KCNQ1: variants seen among roughly 807,000 people sequenced by gnomAD.
KCNQ1 encodes potassium voltage-gated channel subfamily Q member 1.
A neutral mutation model predicts 72.4 loss-of-function variants in KCNQ1; 49 were observed. The observed-to-expected ratio is 0.68, with a 90% CI of 0.54 to 0.86. The LOEUF (loss-of-function observed/expected upper bound fraction) is 0.86, where lower values mean the gene tolerates loss of function less well. KCNQ1 is among the 40% of genes least tolerant of loss of function. The pLI, the probability that KCNQ1 is intolerant of heterozygous loss-of-function variation, is 0.00. For synonymous variants in KCNQ1, 450 were observed against 412.6 expected, an observed-to-expected ratio of 1.09 and a Z score of -1.10; for missense variants, 790 against 945.1, an observed-to-expected ratio of 0.84 and a Z score of 2.15.
Position 2,486,326 on chromosome 11 carries a change from C to T in KCNQ1, c.386+40842C>T, listed in dbSNP as rs1480338830. Reference sequence around the variant, plus strand: ...GAGAATATCTCCTCAGCTCTTTTGCCCACTTCATTAAATTGAGAGGTTTGT... The same window carrying T: ...GAGAATATCTCCTCAGCTCTTTTGCTCACTTCATTAAATTGAGAGGTTTGT... On this transcript the variant is annotated intron_variant, in intron 1 of 15. Transcript: ENST00000155840. This position sits in a 1 kb window ranked among gnomAD's most constrained non-coding sequence, Gnocchi z 5.0. Among the ~76,000 whole-genome samples the T allele has an allele frequency of 2.0e-5, 3 of 152,194 alleles. No individual in the cohort carries two copies. Among genetic ancestry groups the T allele is most frequent in the African/African-American group, 2.4e-5 (1 of 41,536 alleles).
rs1451059729 is a variant in KCNQ1 at position 2,683,831 on chromosome 11, T to C, written c.1514+21750T>C. The stretch of plus-strand genomic sequence containing the variant: ...GCCACTAGCTTGCAGAATGGCTTTG[T>C]TGGATTCCCCTCCCTGGCCCCACAC... On this transcript the variant is annotated intron_variant, in intron 11 of 15. Transcript: ENST00000155840. This position sits in a 1 kb window ranked among gnomAD's most constrained non-coding sequence, Gnocchi z 4.7. 5.0e-6 allele frequency: 2 copies of C among 398,562 alleles called. No homozygotes were observed. Among genetic ancestry groups the C allele is most frequent in the Admixed American group, 4.4e-5 (1 of 22,708 alleles). 24.7% of individuals were successfully genotyped at this position (398,562 alleles called of 1,614,324 possible). A position where few individuals can be genotyped will look rare whatever the true frequency, so the allele number is the denominator to read the frequency against.
intron 11 of KCNQ1, among the ~76,000 whole-genome samples, chr11:2,763,232 G>T (rs1215239287): frequency 6.6e-6 from 1 of 152,054 alleles, no homozygotes; most frequent in East Asian, 1.9e-4. Context: ...CCAATGCTCA[G>T]TGCTTTTCTG....
Position 2,536,086 on chromosome 11 carries a change from C to G in KCNQ1, c.477+8068C>G, listed in dbSNP as rs900701026. 2.6e-5 allele frequency among the ~76,000 whole-genome samples: 4 copies of G among 152,200 alleles called. No individual in the cohort carries two copies. In the South Asian group the frequency reaches 8.3e-4, roughly 31 times the overall value. On this transcript the variant is annotated intron_variant, in intron 2 of 15. Coordinates refer to ENST00000155840, the MANE Select transcript of KCNQ1 (RefSeq NM_000218.3). This position sits in a 1 kb window ranked among gnomAD's most constrained non-coding sequence, Gnocchi z 7.4. ...CGAGCACACCCGCTGCTGTCCCCAG[C>G]CACCCAGCCCCATGCACAGGCCACG...
chr11:2,667,909 C>T, intron 11 of KCNQ1: 1 of 398,652 alleles, frequency 2.5e-6, no homozygotes, highest in Non-Finnish European at 4.4e-6. Context: ...CATCTTCAGT[C>T]CCTGGGACCC....
chr11:2,624,754 C>T lies in KCNQ1; in HGVS notation c.1393+35900C>T, dbSNP rs778085079. 1.3e-4 allele frequency: 53 copies of T among 398,516 alleles called. No homozygotes were observed. The highest frequency in any genetic ancestry group is 2.0e-4 in the Non-Finnish European group (45 of 226,044). The allele number at this position is 398,516 out of a possible 1,614,324, so 24.7% of individuals were successfully genotyped here. ...AATAATTCCCCAACCCCCCCACCAC[C>T]GCCATCTCTTGGAAACCACCTTGTA... On this transcript the variant is annotated intron_variant, in intron 10 of 15. Transcript: ENST00000155840. This position sits in a 1 kb window ranked among gnomAD's most constrained non-coding sequence, Gnocchi z 4.9.
In KCNQ1 at chr11:2,477,668, G is replaced by A. The variant is rs1846591899; in HGVS notation, c.386+32184G>A. ...AATCCCACCACTTTGGGAGGCTAAG[G>A]TGGGAGGATTGCCTGAGCTCAGGAG... On this transcript the variant is annotated intron_variant, in intron 1 of 15. Transcript: ENST00000155840. The surrounding 1 kb of genome is among the most constrained non-coding windows in gnomAD (Gnocchi z 5.0). 6.6e-6 allele frequency among the ~76,000 whole-genome samples: 1 copy of A among 151,910 alleles called. No individual in the cohort carries two copies. The highest frequency in any genetic ancestry group is 2.1e-4 in the South Asian group (1 of 4,812).
Position 2,608,406 on chromosome 11 carries a change from G to A in KCNQ1, c.1393+19552G>A, listed in dbSNP as rs1044876427. 2.5e-6 allele frequency: 1 copy of A among 398,514 alleles called. No homozygotes were observed. Among genetic ancestry groups the A allele is most frequent in the Non-Finnish European group, 4.4e-6 (1 of 226,038 alleles). The allele number at this position is 398,514 out of a possible 1,614,324, so 24.7% of individuals were successfully genotyped here. On this transcript the variant is annotated intron_variant, in intron 10 of 15. Transcript: ENST00000155840. The surrounding 1 kb of genome is among the most constrained non-coding windows in gnomAD (Gnocchi z 4.6). ...TTTTATAATTTATTGGCACAAAATTGTTCATAGTGTTCCTTCATAATCCTT... is the reference window on the plus strand; with the variant it reads ...TTTTATAATTTATTGGCACAAAATTATTCATAGTGTTCCTTCATAATCCTT...
Position 2,625,541 on chromosome 11 carries a change from A to G in KCNQ1, c.1394-36420A>G, listed in dbSNP as rs950083149. On this transcript the variant is annotated intron_variant, in intron 10 of 15. Coordinates refer to ENST00000155840, the MANE Select transcript of KCNQ1 (RefSeq NM_000218.3). ...TTCACGTACTATTATCCATTTGTAT[A>G]TCTTCTTTGGAGATACGTCTGTCCA... 9 of 394,428 alleles carry G rather than the reference A, an allele frequency of 2.3e-5. 1 individual carries two copies. The highest frequency in any genetic ancestry group is 2.6e-4 in the South Asian group (2 of 7,722). The allele number at this position is 394,428 out of a possible 1,614,324, so 24.4% of individuals were successfully genotyped here. A position where few individuals can be genotyped will look rare whatever the true frequency, so the allele number is the denominator to read the frequency against.
chr11:2,450,210 A>G lies in KCNQ1; in HGVS notation c.386+4726A>G, dbSNP rs1846103136. ...GGGCAAGAACAACAAGGCTGGGACAATCTCATCTCAGGCATCTGTGGGAGG... is the reference window on the plus strand; with the variant it reads ...GGGCAAGAACAACAAGGCTGGGACAGTCTCATCTCAGGCATCTGTGGGAGG... On this transcript the variant is annotated intron_variant, in intron 1 of 15. Coordinates refer to ENST00000155840, the MANE Select transcript of KCNQ1 (RefSeq NM_000218.3). The surrounding 1 kb of genome is among the most constrained non-coding windows in gnomAD (Gnocchi z 7.9). 6.6e-6 allele frequency among the ~76,000 whole-genome samples: 1 copy of G among 152,154 alleles called. No homozygotes were observed. Among genetic ancestry groups the G allele is most frequent in the African/African-American group, 2.4e-5 (1 of 41,438 alleles).
rs1362175574 is a variant in KCNQ1, at chr11:2,564,114, C to A, written c.478-6514C>A. On this transcript the variant is annotated intron_variant, in intron 2 of 15. Coordinates refer to ENST00000155840, the MANE Select transcript of KCNQ1 (RefSeq NM_000218.3). The surrounding 1 kb of genome is among the most constrained non-coding windows in gnomAD (Gnocchi z 4.5). ...AGAACACACATAACGTAAAATTCAC[C>A]ATTTCAGCCATTTCAGCCATTTCAG... Among the ~76,000 whole-genome samples the A allele has an allele frequency of 6.7e-6, 1 of 150,246 alleles. No individual in the cohort carries two copies. Among genetic ancestry groups the A allele is most frequent in the Non-Finnish European group, 1.5e-5 (1 of 67,934 alleles).
In KCNQ1 at chr11:2,473,555, T is replaced by C. The variant is rs756539302; in HGVS notation, c.386+28071T>C. On this transcript the variant is annotated intron_variant, in intron 1 of 15. Coordinates refer to ENST00000155840, the MANE Select transcript of KCNQ1 (RefSeq NM_000218.3). This position sits in a 1 kb window ranked among gnomAD's most constrained non-coding sequence, Gnocchi z 6.0. ...TGAGTCCCCTGCCGTGGGACAGCGC[T>C]CAGCATGGCACAGACGCTCAGCCGT... Among the ~76,000 whole-genome samples, 12 of 152,192 alleles carry C rather than the reference T, an allele frequency of 7.9e-5. No individual in the cohort carries two copies. Among genetic ancestry groups the C allele is most frequent in the Non-Finnish European group, 1.8e-4 (12 of 68,030 alleles).
In KCNQ1 at chr11:2,673,432, CAACTTGGTGTTG is replaced by C; in HGVS notation, c.1514+11352_1514+11363del. The C allele has an allele frequency of 2.5e-6, 1 of 398,670 alleles. No individual in the cohort carries two copies. The highest frequency in any genetic ancestry group is 4.4e-6 in the Non-Finnish European group (1 of 226,082). 24.7% of individuals were successfully genotyped at this position (398,670 alleles called of 1,614,324 possible). On this transcript the variant is annotated intron_variant, in intron 11 of 15. Coordinates refer to ENST00000155840, the MANE Select transcript of KCNQ1 (RefSeq NM_000218.3). The surrounding 1 kb of genome is among the most constrained non-coding windows in gnomAD (Gnocchi z 4.5). ...GCCTAGGCACCAGGCCTGGAGGTTCCAACTTGGTGTTGGGCCTCCTTGAGCCGGAACACCTGA... is the reference window on the plus strand; with the variant it reads ...GCCTAGGCACCAGGCCTGGAGGTTCCGGCCTCCTTGAGCCGGAACACCTGA...
intron 2 of KCNQ1, among the ~76,000 whole-genome samples, chr11:2,533,691 G>A (rs966126428): frequency 6.6e-6 from 1 of 152,216 alleles, no homozygotes; most frequent in East Asian, 1.9e-4. Flanking sequence ...TCCCGGTTTG[G>A]GTGGCTCTCC....
chr11:2,463,571 G>A lies in KCNQ1; in HGVS notation c.386+18087G>A, dbSNP rs1182289482. 6.6e-6 allele frequency among the ~76,000 whole-genome samples: 1 copy of A among 152,098 alleles called. No homozygotes were observed. The highest frequency in any genetic ancestry group is 1.5e-5 in the Non-Finnish European group (1 of 68,020). Reference sequence around the variant, plus strand: ...AGGCTGCCTGCCACCTCAAAGTCACGCTGCCCTGGGCACCCTGCCTCTTCC... The same window carrying A: ...AGGCTGCCTGCCACCTCAAAGTCACACTGCCCTGGGCACCCTGCCTCTTCC... On this transcript the variant is annotated intron_variant, in intron 1 of 15. Transcript: ENST00000155840. This position sits in a 1 kb window ranked among gnomAD's most constrained non-coding sequence, Gnocchi z 7.0.
In KCNQ1 at chr11:2,653,847, G is replaced by A. The variant is rs561399856; in HGVS notation, c.1394-8114G>A. ...GGACCCCTTTGGGGATGGCCAGAGG[G>A]TACCTAAACACTGCACACTAGGAGT... On this transcript the variant is annotated intron_variant, in intron 10 of 15. Transcript: ENST00000155840. The surrounding 1 kb of genome is among the most constrained non-coding windows in gnomAD (Gnocchi z 5.3). 124 of 398,624 alleles carry A rather than the reference G, an allele frequency of 3.1e-4. No homozygotes were observed. Among genetic ancestry groups the A allele is most frequent in the African/African-American group, 2.4e-3 (115 of 48,738 alleles). 24.7% of individuals were successfully genotyped at this position (398,624 alleles called of 1,614,324 possible). A position where few individuals can be genotyped will look rare whatever the true frequency, so the allele number is the denominator to read the frequency against.
chr11:2,505,771 G>A (rs1017422947), intron 1 of KCNQ1, among the ~76,000 whole-genome samples: 1 of 151,990 alleles, frequency 6.6e-6, no homozygotes, highest in Admixed American at 6.6e-5. Context: ...AACCATTTTT[G>A]GCTGATGTTA....
Position 2,481,783 on chromosome 11 carries a change from C to G in KCNQ1, c.386+36299C>G, listed in dbSNP as rs1424749699. On this transcript the variant is annotated intron_variant, in intron 1 of 15. Transcript: ENST00000155840. This position sits in a 1 kb window ranked among gnomAD's most constrained non-coding sequence, Gnocchi z 4.6. ...ATGATCTGTCACTGTCTCCCATCAC[C>G]CCCAGATGGGACTGTCTAGTTGCAG... Among the ~76,000 whole-genome samples the G allele has an allele frequency of 6.6e-6, 1 of 152,186 alleles. No individual in the cohort carries two copies. The highest frequency in any genetic ancestry group is 1.5e-5 in the Non-Finnish European group (1 of 68,030).
At chr11:2,686,621 C>T in intron 11 of KCNQ1, 1 of 398,694 alleles carries the variant, frequency 2.5e-6, no homozygotes, top group Non-Finnish European at 4.4e-6. Flanking sequence ...ATGAGCGTGG[C>T]TGCCCTCAGG....
At chr11:2,527,032 C>T (rs1281730928) in intron 1 of KCNQ1, among the ~76,000 whole-genome samples, 5 of 152,120 alleles carry the variant, frequency 3.3e-5, no homozygotes, top group Non-Finnish European at 7.4e-5. Flanking sequence ...GGAGGAAGGC[C>T]GGGCGGGCCC....
Sources: gnomAD v4.1 joint callset for allele counts (sites outside exome capture counted in the v4.1 genomes callset) on GRCh38, gnomAD v4.1.1 for gene constraint, Gnocchi (gnomAD v3.1) non-coding constraint, MANE v1.5 for transcripts, NCBI Gene and HGNC (gene_info 2026-07-23, HGNC 2026-07-21) for gene names.